NAALADL2: variants seen among roughly 807,000 people sequenced by gnomAD.
The protein encoded by NAALADL2 is N-acetylated alpha-linked acidic dipeptidase like 2.
NAALADL2 carries 76 observed loss-of-function variants against 87.2 expected under a neutral mutation model. The ratio of observed to expected loss-of-function variants is 0.87; its 90% CI spans 0.72 to 1.05. The LOEUF is 1.05. Ranked by LOEUF, NAALADL2 falls within the 50% of genes least tolerant of loss-of-function variation. The pLI is 0.00. For synonymous variants in NAALADL2, 354 were observed against 331.0 expected (o/e 1.07, Z -0.75); for missense variants, 1,089 against 945.8 (o/e 1.15, Z -1.99).
chr3:175,013,144 A>ATAC (rs1458625560), intron 1 of NAALADL2, among the ~76,000 whole-genome samples: 4,687 of 86,028 alleles, frequency 0.054, 661 homozygotes, highest in Middle Eastern at 0.089. Context: ...ATAAATATGT[A>ATAC]ATACATATTT....
chr3:174,636,302 C>T (rs569152002), intron 2 of NAALADL2, among the ~76,000 whole-genome samples: 1 of 152,114 alleles, frequency 6.6e-6, no homozygotes, highest in South Asian at 2.1e-4. Context: ...GCTAAGACCT[C>T]AAAAAGTACA....
intron 3 of NAALADL2, among the ~76,000 whole-genome samples, chr3:174,776,203 A>C (rs542300920): frequency 6.6e-6 from 1 of 152,164 alleles, no homozygotes; most frequent in East Asian, 1.9e-4. Flanking sequence ...GCAATAAAAC[A>C]GCCCAATACC....
intron 1 of NAALADL2, among the ~76,000 whole-genome samples, chr3:174,939,572 G>A (rs913429782): frequency 1.3e-5 from 2 of 151,910 alleles, no homozygotes; most frequent in African/African-American, 4.8e-5. Flanking sequence ...GATAGAAATA[G>A]CTTTCAATCT....
In NAALADL2 at chr3:174,591,832, G is replaced by C. The variant is rs1029049998; in HGVS notation, c.-115+41195G>C. Among the ~76,000 whole-genome samples, 24 of 152,122 alleles carry C rather than the reference G, an allele frequency of 1.6e-4. 1 individual carries two copies. The highest frequency in any genetic ancestry group is 3.4e-3 in the Middle Eastern group (1 of 294). ...TTTTGTTTATTTAGTTGGTTTGTTG[G>C]TTTATGAGTTTTGCTGTTTTGGATT... On this transcript the variant is annotated intron_variant, in intron 2 of 3. Transcript: ENST00000434257.
intron 1 of NAALADL2, among the ~76,000 whole-genome samples, chr3:174,512,342 A>T (rs947524577): frequency 6.6e-6 from 1 of 151,930 alleles, no homozygotes; most frequent in East Asian, 1.9e-4. Context: ...CTTGTAGATG[A>T]TATGTCTTTT....
At chr3:174,678,295 A>G (rs597182) in intron 2 of NAALADL2, among the ~76,000 whole-genome samples, 123,584 of 152,106 alleles carry the variant, frequency 0.81, 50,440 homozygotes, top group East Asian at 0.93. Flanking sequence ...CTGATAATGC[A>G]AGTTTATGGA....
intron 10 of NAALADL2, among the ~76,000 whole-genome samples, chr3:175,598,315 A>G (rs1722509323): frequency 6.6e-6 from 1 of 151,866 alleles, no homozygotes; most frequent in Non-Finnish European, 1.5e-5. Context: ...TTTTTCCTCT[A>G]ACATCACAGT....
At chr3:175,423,168 AG>A (rs56064189) in intron 5 of NAALADL2, among the ~76,000 whole-genome samples, 113,457 of 141,336 alleles carry the variant, frequency 0.8, 45,636 homozygotes, top group East Asian at 0.87. Flanking sequence ...TAAGAAAGGG[AG>A]GGGGGGGTCT....
chr3:175,795,682 C>CA (rs1753381485), intron 13 of NAALADL2, among the ~76,000 whole-genome samples: 1 of 149,176 alleles, frequency 6.7e-6, no homozygotes, highest in African/African-American at 2.5e-5. Flanking sequence ...GACTCTGTCT[C>CA]AAAAAATAAA....
intron 5 of NAALADL2, among the ~76,000 whole-genome samples, chr3:175,396,412 A>T (rs551544537): frequency 1.9e-4 from 29 of 152,304 alleles, no homozygotes; most frequent in African/African-American, 6.5e-4. Flanking sequence ...TACATTTGTT[A>T]TTGAGAGGTA....
chr3:175,804,370 C>T lies in NAALADL2; in HGVS notation c.*1167C>T, dbSNP rs1339772537. On this transcript the variant is annotated 3_prime_UTR_variant, in exon 14 of 14. Coordinates refer to ENST00000454872, the MANE Select transcript of NAALADL2 (RefSeq NM_207015.3). ...GTGTTACTGTAAGAGAGTGTCTCGT[C>T]TACACTTCAGTTCTTCTCTCATGTG... 1 of 151,790 alleles carries T rather than the reference C, an allele frequency of 6.6e-6. No individual in the cohort carries two copies. Among genetic ancestry groups the T allele is most frequent in the African/African-American group, 2.4e-5 (1 of 41,402 alleles). The allele number at this position is 151,790 out of a possible 1,614,324, so 9.4% of individuals were successfully genotyped here.
chr3:174,449,163 G>A (rs145405507), intron 1 of NAALADL2, among the ~76,000 whole-genome samples: 2 of 152,222 alleles, frequency 1.3e-5, no homozygotes, highest in East Asian at 1.9e-4. Flanking sequence ...CAGTTGATAT[G>A]GTGCAGTCTC....
At chr3:175,781,251 A>G (rs114870585) in intron 13 of NAALADL2, among the ~76,000 whole-genome samples, 1,850 of 152,262 alleles carry the variant, frequency 0.012, 29 homozygotes, top group African/African-American at 0.04. Flanking sequence ...TGTGTCTAAG[A>G]TAGTACACAA....
intron 2 of NAALADL2, among the ~76,000 whole-genome samples, chr3:175,112,362 A>C (rs1008035728): frequency 6.6e-6 from 1 of 151,562 alleles, no homozygotes; most frequent in Non-Finnish European, 1.5e-5. Context: ...TTCCTGAGTA[A>C]AGTTCTCTCT....
In NAALADL2 at chr3:175,135,995, T is replaced by G. The variant is rs530747397; in HGVS notation, c.545+38704T>G. On this transcript the variant is annotated intron_variant, in intron 2 of 13. Coordinates refer to ENST00000454872, the MANE Select transcript of NAALADL2 (RefSeq NM_207015.3). ...ATATGCAGACCCAAAGTTCAAGTGTTACGGGGAGAAGGAATGGGAATATGG... is the reference window on the plus strand; with the variant it reads ...ATATGCAGACCCAAAGTTCAAGTGTGACGGGGAGAAGGAATGGGAATATGG... Among the ~76,000 whole-genome samples, 30 of 152,278 alleles carry G rather than the reference T, an allele frequency of 2.0e-4. No homozygotes were observed. In the South Asian group the frequency reaches 5.8e-3, roughly 29 times the overall value.
At chr3:174,603,290 G>A (rs2108615203) in intron 2 of NAALADL2, among the ~76,000 whole-genome samples, 1 of 152,006 alleles carries the variant, frequency 6.6e-6, no homozygotes, top group East Asian at 1.9e-4. Context: ...CTTATTACTT[G>A]TTGTTGGACT....
intron 1 of NAALADL2, among the ~76,000 whole-genome samples, chr3:174,965,803 C>T (rs756201034): frequency 2.6e-5 from 4 of 151,840 alleles, no homozygotes; most frequent in Admixed American, 6.6e-5. Flanking sequence ...GAAAATTTTA[C>T]GGAGGGAAGT....
intron 1 of NAALADL2, among the ~76,000 whole-genome samples, chr3:174,867,246 T>A: frequency 6.6e-6 from 1 of 152,000 alleles, no homozygotes; most frequent in East Asian, 1.9e-4. Context: ...GTTGGCCTTC[T>A]CCTTTCTTCC....
intron 2 of NAALADL2, among the ~76,000 whole-genome samples, chr3:175,228,431 A>C (rs1459973937): frequency 6.6e-6 from 1 of 151,854 alleles, no homozygotes; most frequent in Non-Finnish European, 1.5e-5. Context: ...TGAAAAACGC[A>C]TATATGCTGA....
Sources: allele counts gnomAD v4.1 joint callset (sites outside exome capture counted in the v4.1 genomes callset), GRCh38; gene constraint gnomAD v4.1.1; transcripts MANE v1.5; gene names NCBI Gene and HGNC (gene_info 2026-07-23, HGNC 2026-07-21).